Variants in GPALPP1 observed in about 807,000 individuals in gnomAD.
GPALPP1 encodes the protein GPALPP motifs-containing protein 1.
A neutral mutation model predicts 38.9 loss-of-function variants in GPALPP1; 30 were observed. The observed-to-expected ratio is 0.77, with a 90% CI of 0.58 to 1.05. The LOEUF (loss-of-function observed/expected upper bound fraction) is 1.05, where lower values mean the gene tolerates loss of function less well. Ranked by LOEUF, GPALPP1 falls within the 50% of genes least tolerant of loss-of-function variation. The probability of loss-of-function intolerance (pLI) is 0.00; values close to 1 mark genes in which losing one functional copy is unlikely to be tolerated. For synonymous variants in GPALPP1, 120 were observed against 139.2 expected (o/e 0.86, Z 0.97); for missense variants, 384 against 408.8 (o/e 0.94, Z 0.52).
chr13:45,010,486 T>A (rs1874392670), intron 4 of GPALPP1, among the ~76,000 whole-genome samples: 1 of 152,214 alleles, frequency 6.6e-6, no homozygotes, highest in South Asian at 2.1e-4. Context: ...AGATTTTTTT[T>A]ATCTTATCAC....
At chr13:44,999,402 A>G (rs1873508123) in intron 1 of GPALPP1, among the ~76,000 whole-genome samples, 1 of 152,198 alleles carries the variant, frequency 6.6e-6, no homozygotes, top group Admixed American at 6.5e-5. Flanking sequence ...GAGCCTCCTT[A>G]ATGACGACAA....
chr13:45,009,112 G>A (rs984636087), intron 4 of GPALPP1: 1 of 596,110 alleles, frequency 1.7e-6, no homozygotes, highest in African/African-American at 1.8e-5. Context: ...TTGACGGGGT[G>A]TTACCTATTC....
At chr13:45,032,966 G>A (rs917551276), downstream of GPALPP1, among the ~76,000 whole-genome samples, 5 of 151,652 alleles carry the variant, frequency 3.3e-5, no homozygotes, top group African/African-American at 1.2e-4. Flanking sequence ...GAACCCAGGA[G>A]GCGGAGGTTG....
chr13:45,031,341 T>G (rs535365437), downstream of GPALPP1: 12 of 152,302 alleles, frequency 7.9e-5, 1 homozygote, highest in South Asian at 2.5e-3. Context: ...TTGTTATAAT[T>G]TTTTCCCAAT....
At chr13:45,021,811 A>G (rs928440155) in intron 7 of GPALPP1, among the ~76,000 whole-genome samples, 2 of 152,220 alleles carry the variant, frequency 1.3e-5, no homozygotes, top group African/African-American at 4.8e-5. Flanking sequence ...TAGAGCCATA[A>G]TGAGTTATGT....
chr13:45,009,177 G>T (rs982662166), intron 4 of GPALPP1, among the ~76,000 whole-genome samples: 28 of 152,172 alleles, frequency 1.8e-4, no homozygotes, highest in Non-Finnish European at 3.5e-4. Flanking sequence ...GGAACATGAA[G>T]AAAAGTTTAA....
chr13:45,020,544 T>C (rs1196788679), intron 7 of GPALPP1, 116 bp downstream of exon 7: 2 of 624,540 alleles, frequency 3.2e-6, no homozygotes, highest in Admixed American at 3.0e-5. Flanking sequence ...AAGGCCAGCT[T>C]GGGCAACATA....
chr13:44,998,004 C>T (rs1470766482), intron 1 of GPALPP1, among the ~76,000 whole-genome samples: 1 of 152,232 alleles, frequency 6.6e-6, no homozygotes, highest in African/African-American at 2.4e-5. Context: ...CAGGCTTCAC[C>T]TCCTTTCTCT....
chr13:45,024,337 T>C (rs1451874333), intron 7 of GPALPP1, among the ~76,000 whole-genome samples: 1 of 150,286 alleles, frequency 6.7e-6, no homozygotes, highest in Non-Finnish European at 1.5e-5. Flanking sequence ...CTCTGCTCCA[T>C]TGCCCAGGCT....
intron 7 of GPALPP1, among the ~76,000 whole-genome samples, chr13:45,026,599 C>G (rs904776993): frequency 6.6e-6 from 1 of 152,198 alleles, no homozygotes; most frequent in Non-Finnish European, 1.5e-5. Context: ...CTCCTTCCCC[C>G]TCAAGTACAT....
chr13:45,033,314 G>A (rs13195), downstream of GPALPP1: 1 of 152,322 alleles, frequency 6.6e-6, no homozygotes, highest in South Asian at 2.1e-4. Flanking sequence ...AGTGGTTGGA[G>A]ATAGCACCCA....
At chr13:45,011,268 C>T (rs754513313) in intron 4 of GPALPP1, among the ~76,000 whole-genome samples, 6 of 152,092 alleles carry the variant, frequency 3.9e-5, no homozygotes, top group Non-Finnish European at 7.4e-5. Flanking sequence ...AGCTTGGGTA[C>T]GCTTAGCTTC....
intron 1 of GPALPP1, among the ~76,000 whole-genome samples, chr13:45,000,242 C>A (rs1873573420): frequency 6.6e-6 from 1 of 151,974 alleles, no homozygotes; most frequent in Admixed American, 6.6e-5. Flanking sequence ...CATAGTGAGA[C>A]CCTGGTCTCA....
At position 45,027,911 on chromosome 13, in the gene GPALPP1, CG is replaced by C. The variant is rs571075370; in HGVS notation, c.933del (p.Phe312LeufsTer9). 18 of 1,609,360 alleles carry C rather than the reference CG, an allele frequency of 1.1e-5. No individual in the cohort carries two copies. The African/African-American group carries it at 2.3e-4, about 20-fold the overall frequency. On this transcript the variant is annotated frameshift_variant, in exon 8 of 8. Coordinates refer to ENST00000379151, the MANE Select transcript of GPALPP1 (RefSeq NM_018559.5). LOFTEE classifies it high-confidence loss of function. ...CCGTGATAAAGATCTCAAGGTTAATCGGTTTGATGAAGCTCAGAAAAAAGCC... is the reference window on the plus strand; with the variant it reads ...CCGTGATAAAGATCTCAAGGTTAATCGTTTGATGAAGCTCAGAAAAAAGCC... ...FDRDKDLKVN[R>X]FDEAQKKALI...
chr13:44,992,506 G>A (rs1160926284), intron 1 of GPALPP1, among the ~76,000 whole-genome samples: 1 of 152,010 alleles, frequency 6.6e-6, no homozygotes, highest in Admixed American at 6.6e-5. Context: ...TTTTATGGTA[G>A]AATTTTTTGC....
At chr13:44,993,790 A>T (rs1202673512) in intron 1 of GPALPP1, among the ~76,000 whole-genome samples, 1 of 146,886 alleles carries the variant, frequency 6.8e-6, no homozygotes, top group Non-Finnish European at 1.5e-5. Context: ...ACATCCTCCC[A>T]GTGCTTGTTA....
At chr13:45,036,996 G>A (rs150136145) in exon 8 of GPALPP1, 11 of 152,036 alleles carry the variant, frequency 7.2e-5, no homozygotes, top group African/African-American at 2.2e-4. Flanking sequence ...TGCAGAACTA[G>A]GTAGGAAAGA....
intron 7 of GPALPP1, among the ~76,000 whole-genome samples, chr13:45,025,568 T>C (rs1875772344): frequency 6.6e-6 from 1 of 152,130 alleles, no homozygotes; most frequent in South Asian, 2.1e-4. Context: ...GTGTATTCAT[T>C]AGATCATTTA....
chr13:44,999,536 A>C (rs147538557), intron 1 of GPALPP1, among the ~76,000 whole-genome samples: 20 of 152,284 alleles, frequency 1.3e-4, no homozygotes, highest in African/African-American at 4.6e-4. Flanking sequence ...CCTTACTTTT[A>C]TTAGGGGGTC....
Sources: gnomAD v4.1 joint callset for allele counts (sites outside exome capture counted in the v4.1 genomes callset) on GRCh38, gnomAD v4.1.1 for gene constraint, MANE v1.5 for transcripts, NCBI Gene and HGNC (gene_info 2026-07-23, HGNC 2026-07-21) for gene names.